The following DGKG variants were observed in gnomAD, a reference collection of about 807,000 sequenced individuals.
DGKG encodes the protein diacylglycerol kinase gamma, also known as DAG kinase gamma.
A neutral mutation model predicts 105.3 loss-of-function variants in DGKG; 78 were observed. That is an observed-to-expected ratio of 0.74 (90% CI 0.62 to 0.89). The LOEUF is 0.89. Among genes scored for constraint, DGKG ranks in the 40% least tolerant of loss-of-function variants. DGKG has a pLI of 0.00. For synonymous variants in DGKG, 346 were observed against 367.1 expected (o/e 0.94, Z 0.66); for missense variants, 958 against 1,020.1 (o/e 0.94, Z 0.83).
chr3:186,221,323 G>T (rs1719568162), intron 20 of DGKG, among the ~76,000 whole-genome samples: 2 of 152,072 alleles, frequency 1.3e-5, no homozygotes, highest in Admixed American at 6.5e-5. Context: ...AGAGAAAATA[G>T]CTCCTTTCCC....
At chr3:186,166,217 C>A (rs539640163) in intron 22 of DGKG, among the ~76,000 whole-genome samples, 2 of 152,294 alleles carry the variant, frequency 1.3e-5, no homozygotes, top group East Asian at 3.9e-4. Context: ...GTCAACATTG[C>A]TAGTCTAAAT....
At chr3:186,338,092 C>T (rs973641725) in intron 1 of DGKG, among the ~76,000 whole-genome samples, 1 of 150,842 alleles carries the variant, frequency 6.6e-6, no homozygotes, top group Non-Finnish European at 1.5e-5. Context: ...ATCCCTTGAG[C>T]CCAGGAGACA....
chr3:186,302,950 C>G (rs1193431636), intron 3 of DGKG, among the ~76,000 whole-genome samples: 3 of 152,166 alleles, frequency 2.0e-5, no homozygotes, highest in African/African-American at 7.2e-5. Context: ...TCAGAGGGGA[C>G]TCAGTCTTCT....
chr3:186,232,667 G>C (rs751368919), intron 20 of DGKG, among the ~76,000 whole-genome samples: 5 of 151,934 alleles, frequency 3.3e-5, no homozygotes, highest in Non-Finnish European at 7.4e-5. Flanking sequence ...ATTGCAATGT[G>C]CTATATAATA....
intron 22 of DGKG, among the ~76,000 whole-genome samples, chr3:186,174,699 T>C (rs931703784): frequency 2.3e-5 from 3 of 128,134 alleles, no homozygotes; most frequent in Non-Finnish European, 4.9e-5. Flanking sequence ...TGTGTGTGTG[T>C]TGCAATCCCA....
At chr3:186,322,364 GAGC>G (rs1725120262) in intron 1 of DGKG, among the ~76,000 whole-genome samples, 4 of 152,144 alleles carry the variant, frequency 2.6e-5, no homozygotes, top group African/African-American at 9.7e-5. Context: ...TTATAAGTGA[GAGC>G]TGAACACTGA....
At chr3:186,339,764 A>G (rs553099735) in intron 1 of DGKG, among the ~76,000 whole-genome samples, 1 of 152,330 alleles carries the variant, frequency 6.6e-6, no homozygotes, top group East Asian at 1.9e-4. Flanking sequence ...GATGTGGAGC[A>G]CAAAGTGTCA....
At chr3:186,212,476 A>C (rs753593556) in intron 20 of DGKG, among the ~76,000 whole-genome samples, 3 of 152,214 alleles carry the variant, frequency 2.0e-5, no homozygotes, top group Non-Finnish European at 4.4e-5. Context: ...ATTGGTAGCA[A>C]TAATCACCTC....
intron 21 of DGKG, among the ~76,000 whole-genome samples, chr3:186,194,623 A>C (rs1339695073): frequency 1.3e-5 from 2 of 151,952 alleles, no homozygotes; most frequent in Non-Finnish European, 2.9e-5. Context: ...TAGGCCTGCC[A>C]CTCGGCTTTG....
intron 5 of DGKG, among the ~76,000 whole-genome samples, chr3:186,295,638 TAAAAA>T (rs34829528): frequency 2.8e-4 from 24 of 84,510 alleles, no homozygotes; most frequent in Admixed American, 2.3e-3. Context: ...TAATGCACAG[TAAAAA>T]AAAAAAAAAA....
chr3:186,352,479 C>T (rs1726679841), intron 1 of DGKG, among the ~76,000 whole-genome samples: 1 of 152,162 alleles, frequency 6.6e-6, no homozygotes, highest in African/African-American at 2.4e-5. Flanking sequence ...GGGCCTCCAG[C>T]CACGGAGCTC....
chr3:186,235,810 T>C (rs1720390235), intron 20 of DGKG, among the ~76,000 whole-genome samples: 1 of 152,052 alleles, frequency 6.6e-6, no homozygotes, highest in Non-Finnish European at 1.5e-5. Context: ...GAAAGAAGTA[T>C]CCGTGAGGGA....
chr3:186,233,366 C>T (rs568449674), intron 20 of DGKG, among the ~76,000 whole-genome samples: 1 of 152,260 alleles, frequency 6.6e-6, no homozygotes, highest in East Asian at 1.9e-4. Flanking sequence ...CAGCTTTTCC[C>T]CCAGACTCTC....
rs1337638176 is a variant in DGKG, at chr3:186,164,988, C to T, written c.2126G>A (p.Gly709Glu). The change falls in exon 23 of 25, where the codon GGG becomes GAG. Residue 709 changes from glycine (G) to glutamate (E), a missense_variant. This residue lies in a region of DGKG where 315 missense variants were observed against 400.6 expected (regional missense o/e 0.79). Coordinates refer to ENST00000265022, the MANE Select transcript of DGKG (RefSeq NM_001346.3). ...CCCCATCTCCATGGCTCCTTCTAGC[C>T]CCACCACTTCAAGGAGCTGGTCACT... ...DLSDQLLEVV[G>E]LEGAMEMGQI... 1 of 1,613,330 alleles carries T rather than the reference C, an allele frequency of 6.2e-7. No individual in the cohort carries two copies. Among genetic ancestry groups the T allele is most frequent in the Non-Finnish European group, 8.5e-7 (1 of 1,179,750 alleles).
At chr3:186,346,037 G>T (rs1338161426) in intron 1 of DGKG, among the ~76,000 whole-genome samples, 1 of 152,168 alleles carries the variant, frequency 6.6e-6, no homozygotes, top group Non-Finnish European at 1.5e-5. Flanking sequence ...AAAGTGCTGG[G>T]ATTACAGGCT....
At position 186,302,543 on chromosome 3, in the gene DGKG, T is replaced by C. The variant is rs1419513322; in HGVS notation, c.145-4314A>G. Among the ~76,000 whole-genome samples the C allele has an allele frequency of 1.7e-3, 56 of 32,922 alleles. 1 individual carries two copies. In the South Asian group the frequency reaches 0.042, roughly 25 times the overall value. 21.6% of individuals were successfully genotyped at this position (32,922 alleles called of 152,430 possible). A position where few individuals can be genotyped will look rare whatever the true frequency, so the allele number is the denominator to read the frequency against. On this transcript the variant is annotated intron_variant, in intron 3 of 24. Coordinates refer to ENST00000265022, the MANE Select transcript of DGKG (RefSeq NM_001346.3). ...ATATATATATATATACATATGTATATATATATATATATATACACATATGTA... is the reference window on the plus strand; with the variant it reads ...ATATATATATATATACATATGTATACATATATATATATATACACATATGTA...
rs73060005 is a variant in DGKG, at chr3:186,326,009, G to T, written c.-248-5302C>A. On this transcript the variant is annotated intron_variant, in intron 1 of 24. Transcript: ENST00000265022. The stretch of plus-strand genomic sequence containing the variant: ...CTAAGGAGTTCCTTTGGTGAAGAAT[G>T]GCATTTGAAGCCAAAGCTTGGGTAC... Among the ~76,000 whole-genome samples the T allele has an allele frequency of 6.2e-3, 951 of 152,284 alleles. 10 individuals carry two copies. The highest frequency in any genetic ancestry group is 0.022 in the African/African-American group (915 of 41,558).
intron 1 of DGKG, among the ~76,000 whole-genome samples, chr3:186,339,923 G>A (rs1275366119): frequency 6.6e-6 from 1 of 152,190 alleles, no homozygotes; most frequent in Non-Finnish European, 1.5e-5. Flanking sequence ...TTGAGCCCAA[G>A]TTTCCTCATC....
intron 20 of DGKG, among the ~76,000 whole-genome samples, chr3:186,235,962 G>T (rs7619432): frequency 0.82 from 124,753 of 152,164 alleles, 53,196 homozygotes; most frequent in East Asian, 1. Flanking sequence ...CTCCTGCCCT[G>T]TTCCTCCTGA....
Sources: allele counts gnomAD v4.1 joint callset (sites outside exome capture counted in the v4.1 genomes callset), GRCh38; gene constraint gnomAD v4.1.1; regional missense constraint gnomAD v4.1.1; transcripts MANE v1.5; gene names NCBI Gene and HGNC (gene_info 2026-07-23, HGNC 2026-07-21).